Variants in CLCN5 observed in about 807,000 individuals in gnomAD.
CLCN5 encodes the protein Cl-/H+ antiporter 5.
In CLCN5, 17 loss-of-function variants were observed where a neutral mutation model predicts 54.0. The ratio of observed to expected loss-of-function variants is 0.31; its 90% CI spans 0.22 to 0.47. The LOEUF is 0.47. Among genes scored for constraint, CLCN5 ranks in the 20% least tolerant of loss-of-function variants. The pLI, the probability that CLCN5 is intolerant of heterozygous loss-of-function variation, is 1.00. For missense variants in CLCN5, 448 were observed against 646.7 expected (o/e 0.69, Z 3.33); for synonymous variants, 222 against 233.0 (o/e 0.95, Z 0.43).
At chrX:49,953,268 A>G (rs1411312859) in intron 3 of CLCN5, among the ~76,000 whole-genome samples, 1 of 112,049 alleles carries the variant, frequency 8.9e-6, no homozygotes. Flanking sequence ...ATATGTTTCT[A>G]TATTGACACC....
intron 4 of CLCN5, among the ~76,000 whole-genome samples, chrX:50,062,323 C>A (rs1557190076): frequency 3.6e-5 from 2 of 56,101 alleles, no homozygotes; most frequent in African/African-American, 1.8e-4. Context: ...ATCTACCAAG[C>A]AAATGGAAAA....
At chrX:50,082,533 G>A (rs1358839857) in intron 9 of CLCN5, among the ~76,000 whole-genome samples, 6 of 109,963 alleles carry the variant, frequency 5.5e-5, no homozygotes, top group South Asian at 3.9e-4. Flanking sequence ...GGCTAGTCTC[G>A]AACTCCTGCG....
intron 3 of CLCN5, among the ~76,000 whole-genome samples, chrX:50,002,709 GT>G (rs1929924929): frequency 1.4e-4 from 15 of 109,532 alleles, no homozygotes; most frequent in Admixed American, 8.9e-4. Context: ...GTGTGTGTGT[GT>G]GTGTGTGGTG....
Position 50,086,004 on chromosome X carries a change from G to T in CLCN5, c.958G>T (p.Gly320Cys). 8.3e-7 allele frequency: 1 copy of T among 1,210,079 alleles called. No individual in the cohort carries two copies. Among genetic ancestry groups the T allele is most frequent in the East Asian group, 3.0e-5 (1 of 33,855 alleles). ...REVLSAAAAA[G>C]VSVAFGAPIG... ...GGTCTTGTCGGCTGCAGCAGCAGCT[G>T]GTGTATCTGTAGCCTTTGGAGCACC... Residue 320 changes from glycine (G) to cysteine (C), a missense_variant, in exon 10 of 15, where the codon GGT becomes TGT. Gly to Cys is a radical substitution (Grantham distance 159). Coordinates refer to ENST00000376091, the MANE Select transcript of CLCN5 (RefSeq NM_001127898.4).
chrX:49,969,088 T>G (rs535445907), intron 3 of CLCN5, among the ~76,000 whole-genome samples: 12 of 111,248 alleles, frequency 1.1e-4, no homozygotes, highest in African/African-American at 3.9e-4. Context: ...TTCTTTCTTT[T>G]TTTTTTTGAG....
chrX:50,085,183 C>T lies in CLCN5; in HGVS notation c.934-797C>T, dbSNP rs1053006544. 2.7e-5 allele frequency among the ~76,000 whole-genome samples: 3 copies of T among 112,279 alleles called. No homozygotes were observed. The Admixed American group carries it at 2.8e-4, about 11-fold the overall frequency. ...TTCTTTACTTCTTCAAATCATCTCT[C>T]TCCATAGCAACCAGAATCCAATGAA... On this transcript the variant is annotated intron_variant, in intron 9 of 14. Coordinates refer to ENST00000376091, the MANE Select transcript of CLCN5 (RefSeq NM_001127898.4).
chrX:49,975,983 C>T (rs1442917896), intron 3 of CLCN5, among the ~76,000 whole-genome samples: 1 of 111,711 alleles, frequency 9.0e-6, no homozygotes, highest in Non-Finnish European at 1.9e-5. Flanking sequence ...AGGGTATCTA[C>T]TGGCATCTAG....
At chrX:50,014,904 C>T (rs2147412037) in intron 3 of CLCN5, among the ~76,000 whole-genome samples, 1 of 111,486 alleles carries the variant, frequency 9.0e-6, no homozygotes, top group African/African-American at 3.3e-5. Context: ...TCTCTGTGTT[C>T]CCCACCTGCT....
intron 3 of CLCN5, among the ~76,000 whole-genome samples, chrX:50,004,852 G>C (rs967446518): frequency 8.9e-6 from 1 of 111,756 alleles, no homozygotes. Context: ...GGAGGTTGCA[G>C]TGAGCCAAGA....
chrX:49,963,866 T>C (rs73490038), intron 3 of CLCN5, among the ~76,000 whole-genome samples: 1,823 of 112,534 alleles, frequency 0.016, 31 homozygotes, highest in African/African-American at 0.055. Flanking sequence ...TCTGCTGTTT[T>C]TGAAGTAAAC....
intron 4 of CLCN5, among the ~76,000 whole-genome samples, chrX:50,060,461 C>T (rs7055518): frequency 2.4e-3 from 257 of 107,893 alleles, no homozygotes; most frequent in African/African-American, 7.7e-3. Flanking sequence ...GCTTAAAAAA[C>T]GGCGCACCAC....
In CLCN5 at chrX:50,017,577, A is replaced by G. The variant is rs143237731; in HGVS notation, c.17-24739A>G. The stretch of plus-strand genomic sequence containing the variant: ...CCAAACCTAAGATCACTTAGATTTT[A>G]GCCTACATTATTTTCTAGGAGTTTT... On this transcript the variant is annotated intron_variant, in intron 3 of 14. Coordinates refer to ENST00000376091, the MANE Select transcript of CLCN5 (RefSeq NM_001127898.4). Among the ~76,000 whole-genome samples the G allele has an allele frequency of 6.9e-4, 77 of 111,462 alleles. 2 individuals carry two copies. In the East Asian group the frequency reaches 0.021, roughly 30 times the overall value.
At chrX:50,067,763 A>G in intron 4 of CLCN5, 1 of 747,760 alleles carries the variant, frequency 1.3e-6, no homozygotes, top group South Asian at 6.8e-5. Flanking sequence ...GATTGAAGGT[A>G]AGCAGACTTG....
chrX:50,033,956 TCC>T (rs1557186242), intron 3 of CLCN5, among the ~76,000 whole-genome samples: 1 of 111,277 alleles, frequency 9.0e-6, no homozygotes, highest in Admixed American at 9.6e-5. Context: ...TAGGAATAAC[TCC>T]CAGATGAAGA....
intron 3 of CLCN5, among the ~76,000 whole-genome samples, chrX:50,031,699 T>C (rs1239080594): frequency 8.3e-5 from 9 of 108,657 alleles, no homozygotes; most frequent in Non-Finnish European, 1.3e-4. Flanking sequence ...ATTTTAAACA[T>C]TTTTCCATTT....
At chrX:50,070,965 GA>G (rs1557191457) in intron 5 of CLCN5, among the ~76,000 whole-genome samples, 1 of 111,016 alleles carries the variant, frequency 9.0e-6, no homozygotes, top group East Asian at 2.8e-4. Context: ...GTCCTCTGGT[GA>G]GTCACTTCTT....
chrX:49,995,791 T>A (rs1929491408), intron 3 of CLCN5, among the ~76,000 whole-genome samples: 1 of 112,072 alleles, frequency 8.9e-6, no homozygotes, highest in African/African-American at 3.2e-5. Context: ...AAAGTAAAAT[T>A]CATTCAGCTG....
At chrX:50,043,578 C>T (rs1197850953) in intron 4 of CLCN5, among the ~76,000 whole-genome samples, 1 of 111,205 alleles carries the variant, frequency 9.0e-6, no homozygotes, top group Non-Finnish European at 1.9e-5. Flanking sequence ...CAGTTTCTTT[C>T]TCTGAAAGTT....
chrX:49,953,329 G>A (rs1927149898), intron 3 of CLCN5, among the ~76,000 whole-genome samples: 1 of 111,092 alleles, frequency 9.0e-6, no homozygotes, highest in Non-Finnish European at 1.9e-5. Context: ...TGTTTGAGAC[G>A]AGGTCTCACT....
Sources: gnomAD v4.1 joint callset for allele counts (sites outside exome capture counted in the v4.1 genomes callset) on GRCh38, gnomAD v4.1.1 for gene constraint, MANE v1.5 for transcripts, NCBI Gene and HGNC (gene_info 2026-07-23, HGNC 2026-07-21) for gene names.